The following DUSP29 variants were observed in gnomAD, a reference collection of about 807,000 sequenced individuals.
The protein encoded by DUSP29 is dual specificity phosphatase 29.
A neutral mutation model predicts 13.5 loss-of-function variants in DUSP29; 12 were observed. The observed-to-expected ratio is 0.89, with a 90% CI of 0.57 to 1.44. DUSP29 has a LOEUF of 1.44. Among genes scored for constraint, DUSP29 ranks in the 40% most tolerant of loss-of-function variants. The probability of loss-of-function intolerance (pLI) is 0.00; values close to 1 mark genes in which losing one functional copy is unlikely to be tolerated. For missense variants in DUSP29, 308 were observed against 301.1 expected (o/e 1.02, Z -0.17); for synonymous variants, 134 against 128.7 (o/e 1.04, Z -0.28).
At chr10:75,043,695 A>T in intron 3 of DUSP29, 102 bp downstream of exon 3, 1 of 1,092,410 alleles carries the variant, frequency 9.2e-7, no homozygotes, top group African/African-American at 1.7e-5. Flanking sequence ...CTAGGGGCGG[A>T]GCCTTAGTGG....
chr10:75,043,819 G>A lies in DUSP29; in HGVS notation c.399C>T (p.Asp133=). ...TACTGTGGTCGTCGCTTAGCGCTCT[G>A]TCGATGAAGGCTGCCGCCGGGTAGA... ...VFFYPAAAFI[D]RALSDDHSKI... Residue 133 remains aspartate, a synonymous_variant, in exon 3 of 4, where the codon GAC becomes GAT. Coordinates refer to ENST00000338487, the MANE Select transcript of DUSP29 (RefSeq NM_001003892.3). The A allele has an allele frequency of 6.2e-7, 1 of 1,613,614 alleles. No individual in the cohort carries two copies. Among genetic ancestry groups the A allele is most frequent in the African/African-American group, 1.3e-5 (1 of 75,040 alleles).
At chr10:75,044,066 G>A in intron 2 of DUSP29, 49 bp from the exon 3 acceptor site, 1 of 1,560,612 alleles carries the variant, frequency 6.4e-7, no homozygotes, top group African/African-American at 1.4e-5. Context: ...CCTGCCCCGG[G>A]TCCGGGAAAC....
At chr10:75,061,910 A>G (rs1160269199) in intron 1 of DUSP29, among the ~76,000 whole-genome samples, 1 of 152,192 alleles carries the variant, frequency 6.6e-6, no homozygotes, top group Non-Finnish European at 1.5e-5. Flanking sequence ...GGCCTGTGCA[A>G]GGGGCTCAGC....
intron 1 of DUSP29, among the ~76,000 whole-genome samples, chr10:75,072,591 A>G (rs1847354378): frequency 6.6e-6 from 1 of 152,072 alleles, no homozygotes; most frequent in South Asian, 2.1e-4. Context: ...GGACCAAATG[A>G]TATTCTCATG....
At chr10:75,060,557 G>A (rs569013778) in intron 1 of DUSP29, among the ~76,000 whole-genome samples, 1 of 152,034 alleles carries the variant, frequency 6.6e-6, no homozygotes, top group South Asian at 2.1e-4. Context: ...GATAGATAAA[G>A]GAGAAGAATC....
intron 2 of DUSP29, among the ~76,000 whole-genome samples, chr10:75,052,300 CTTTTTTTTTTT>C (rs751523419): frequency 4.8e-5 from 6 of 124,900 alleles, no homozygotes; most frequent in African/African-American, 1.9e-4. Flanking sequence ...CATTTGTCTA[CTTTTTTTTTTT>C]TTTTTTTTTT....
At chr10:75,048,693 G>A (rs998362475) in intron 2 of DUSP29, among the ~76,000 whole-genome samples, 1 of 152,182 alleles carries the variant, frequency 6.6e-6, no homozygotes, top group Non-Finnish European at 1.5e-5. Context: ...GCAGTCTTGA[G>A]TGTGCCCGTT....
intron 3 of DUSP29, among the ~76,000 whole-genome samples, chr10:75,041,721 C>A (rs1229750624): frequency 6.6e-6 from 1 of 152,202 alleles, no homozygotes; most frequent in Non-Finnish European, 1.5e-5. Context: ...AGTCCCGGCA[C>A]CCCCATCCAT....
At chr10:75,068,966 A>AT (rs374900883) in intron 1 of DUSP29, among the ~76,000 whole-genome samples, 42 of 148,242 alleles carry the variant, frequency 2.8e-4, no homozygotes, top group East Asian at 3.9e-4. Context: ...AGTTTAACAG[A>AT]TTTTTTTTTT....
chr10:75,043,729 G>A (rs1846636201), intron 3 of DUSP29, 68 bp downstream of exon 3: 4 of 1,415,490 alleles, frequency 2.8e-6, no homozygotes, highest in Admixed American at 2.1e-5. Context: ...CGGGGCCTAA[G>A]CTACGGGCGG....
intron 1 of DUSP29, among the ~76,000 whole-genome samples, chr10:75,059,929 C>A (rs546435492): frequency 6.6e-6 from 1 of 151,676 alleles, no homozygotes; most frequent in Non-Finnish European, 1.5e-5. Context: ...GAGGCCGAGG[C>A]GGGCAGATCA....
intron 2 of DUSP29, among the ~76,000 whole-genome samples, chr10:75,052,167 A>G (rs1376929636): frequency 6.6e-6 from 1 of 152,212 alleles, no homozygotes; most frequent in African/African-American, 2.4e-5. Context: ...TAACTAGAAC[A>G]CGTCAGTTCT....
At chr10:75,057,222 C>T (rs368233463) in intron 2 of DUSP29, among the ~76,000 whole-genome samples, 39 of 151,616 alleles carry the variant, frequency 2.6e-4, no homozygotes, top group Middle Eastern at 3.4e-3. Flanking sequence ...TGCAGTGAGC[C>T]GAGGTCACAC....
intron 3 of DUSP29, among the ~76,000 whole-genome samples, chr10:75,043,255 TC>T (rs1846622929): frequency 6.6e-6 from 1 of 152,190 alleles, no homozygotes; most frequent in African/African-American, 2.4e-5. Context: ...ATTTAAGGTC[TC>T]TCCATGGATT....
At chr10:75,068,206 C>T (rs925562427) in intron 1 of DUSP29, among the ~76,000 whole-genome samples, 15 of 152,136 alleles carry the variant, frequency 9.9e-5, no homozygotes, top group African/African-American at 3.4e-4. Context: ...TGCAGTGGCT[C>T]AGGCCTGTAA....
At chr10:75,054,399 C>A (rs1484915945) in intron 2 of DUSP29, among the ~76,000 whole-genome samples, 1 of 152,088 alleles carries the variant, frequency 6.6e-6, no homozygotes, top group African/African-American at 2.4e-5. Context: ...TAAATGAATG[C>A]TCTTCTGTTC....
intron 1 of DUSP29, among the ~76,000 whole-genome samples, chr10:75,069,119 TTTGA>T (rs1300012836): frequency 3.3e-5 from 5 of 152,204 alleles, no homozygotes; most frequent in African/African-American, 9.7e-5. Flanking sequence ...CATGAACTTG[TTTGA>T]TTAACTCTTC....
At chr10:75,045,209 A>G (rs949348830) in intron 2 of DUSP29, among the ~76,000 whole-genome samples, 29 of 152,276 alleles carry the variant, frequency 1.9e-4, no homozygotes, top group African/African-American at 7.0e-4. Flanking sequence ...ATACAAAAAG[A>G]AAAAACAAAA....
In DUSP29 at chr10:75,058,721, G is replaced by A. The variant is rs111743256; in HGVS notation, c.-34-173C>T. 2.2e-3 allele frequency among the ~76,000 whole-genome samples: 329 copies of A among 152,334 alleles called. 1 individual carries two copies. Among genetic ancestry groups the A allele is most frequent in the African/African-American group, 7.7e-3 (318 of 41,568 alleles). On this transcript the variant is annotated intron_variant, in intron 1 of 3. Transcript: ENST00000338487. ...CACACAGGTAAACAAGGAAGGCCAT[G>A]ATGGCAGTTAAATGACACTTCCCCA...
Sources: allele counts gnomAD v4.1 joint callset (sites outside exome capture counted in the v4.1 genomes callset), GRCh38; gene constraint gnomAD v4.1.1; transcripts MANE v1.5; gene names NCBI Gene and HGNC (gene_info 2026-07-23, HGNC 2026-07-21).